Variants in RELN observed in about 807,000 individuals in gnomAD.
The protein encoded by RELN is reelin.
In RELN, 108 loss-of-function variants were observed where a neutral mutation model predicts 427.6. That is an observed-to-expected ratio of 0.25 (90% CI 0.22 to 0.30). The LOEUF (loss-of-function observed/expected upper bound fraction) is 0.30, where lower values mean the gene tolerates loss of function less well. Ranked by LOEUF, RELN falls within the 10% of genes least tolerant of loss-of-function variation. RELN has a pLI of 1.00. For missense variants in RELN, 3,715 were observed against 4,302.8 expected, an observed-to-expected ratio of 0.86 and a Z score of 3.82; for synonymous variants, 1,524 against 1,513.4, an observed-to-expected ratio of 1.01 and a Z score of -0.16.
chr7:103,861,650 C>A (rs773832097), intron 2 of RELN, among the ~76,000 whole-genome samples: 4 of 152,008 alleles, frequency 2.6e-5, no homozygotes, highest in Admixed American at 1.3e-4. Context: ...TCACATATTG[C>A]GAAGAGACCC....
chr7:103,776,676 T>C (rs752353864), intron 3 of RELN, 49 bp from the exon 4 acceptor site: 4 of 1,582,524 alleles, frequency 2.5e-6, no homozygotes, highest in Non-Finnish European at 3.5e-6. Flanking sequence ...ATATGTTTGG[T>C]GAAAATGTAT....
chr7:103,614,448 A>T (rs1316840762), intron 20 of RELN, among the ~76,000 whole-genome samples: 2 of 152,214 alleles, frequency 1.3e-5, no homozygotes, highest in Non-Finnish European at 2.9e-5. Flanking sequence ...TTTAAAAGGG[A>T]ATCAATGGAA....
intron 20 of RELN, among the ~76,000 whole-genome samples, chr7:103,614,919 GT>G (rs111731320): frequency 2.0e-5 from 3 of 151,902 alleles, no homozygotes; most frequent in Admixed American, 6.6e-5. Context: ...TACTGGGTCT[GT>G]TTTTTTTCAC....
intron 2 of RELN, among the ~76,000 whole-genome samples, chr7:103,878,676 A>T (rs1329931174): frequency 6.6e-6 from 1 of 152,190 alleles, no homozygotes; most frequent in East Asian, 1.9e-4. Context: ...AAAATTACAC[A>T]ATCATTTGTA....
chr7:103,705,199 T>G (rs186024293), intron 8 of RELN, among the ~76,000 whole-genome samples: 2 of 152,326 alleles, frequency 1.3e-5, no homozygotes, highest in East Asian at 3.9e-4. Context: ...GATCAGCCAA[T>G]TAACATATCC....
At chr7:103,725,090 C>T (rs1448487555) in intron 7 of RELN, among the ~76,000 whole-genome samples, 1 of 152,048 alleles carries the variant, frequency 6.6e-6, no homozygotes, top group African/African-American at 2.4e-5. Flanking sequence ...TATAAATACA[C>T]TCAAAACTAT....
At chr7:103,669,653 T>G (rs1190026725) in intron 11 of RELN, among the ~76,000 whole-genome samples, 1 of 152,044 alleles carries the variant, frequency 6.6e-6, no homozygotes, top group African/African-American at 2.4e-5. Context: ...TAGTGGTTAT[T>G]TGAGGAGCTC....
intron 2 of RELN, among the ~76,000 whole-genome samples, chr7:103,865,132 C>CAAAAAGAAAAAAAAAAAA (rs1794166297): frequency 1.5e-5 from 1 of 67,198 alleles, no homozygotes; most frequent in Non-Finnish European, 2.7e-5. Flanking sequence ...GAAACTGTCT[C>CAAAAAGAAAAAAAAAAAA]AAAAAAAAAA....
chr7:103,745,693 G>A (rs575930269), intron 6 of RELN, among the ~76,000 whole-genome samples: 3 of 149,598 alleles, frequency 2.0e-5, no homozygotes, highest in African/African-American at 7.5e-5. Flanking sequence ...AAAATACCTA[G>A]GAATCCAACT....
chr7:103,582,352 A>G (rs1831171861), intron 28 of RELN, among the ~76,000 whole-genome samples: 1 of 152,250 alleles, frequency 6.6e-6, no homozygotes, highest in Admixed American at 6.5e-5. Flanking sequence ...ATGGCAAGTC[A>G]AATTCTTAAT....
In RELN at chr7:103,566,355, G is replaced by A. The variant is rs1370209776; in HGVS notation, c.4805C>T (p.Ser1602Phe). The A allele has an allele frequency of 6.2e-7, 1 of 1,613,958 alleles. No homozygotes were observed. Among genetic ancestry groups the A allele is most frequent in the African/African-American group, 1.3e-5 (1 of 74,924 alleles). Residue 1602 changes from serine (S) to phenylalanine (F), a missense_variant, in exon 33 of 65, where the codon TCT (serine) becomes TTT (phenylalanine). Physicochemically the swap from Ser to Phe is radical, Grantham distance 155 (BLOSUM62 -2). Transcript: ENST00000428762. The stretch of plus-strand genomic sequence containing the variant: ...AAATTTGTCTTGAAATCCAGTTTGA[G>A]AGCTGTCATTCATTCCTATAAGAAC... ...DDVLIGMNDS[S>F]QTGFQDKFDG...
At chr7:103,487,458 TAA>T (rs11371972) in intron 60 of RELN, among the ~76,000 whole-genome samples, 31 of 128,004 alleles carry the variant, frequency 2.4e-4, no homozygotes, top group Admixed American at 2.3e-4. Flanking sequence ...GTTGTTACAG[TAA>T]AAAAAAAAAA....
At chr7:103,783,164 C>CTTTTTT (rs34257358) in intron 3 of RELN, among the ~76,000 whole-genome samples, 1 of 109,326 alleles carries the variant, frequency 9.1e-6, no homozygotes, top group Non-Finnish European at 2.1e-5. Flanking sequence ...CTCTTTCTTT[C>CTTTTTT]TTTTTTTTTT....
intron 1 of RELN, among the ~76,000 whole-genome samples, chr7:103,941,449 T>C (rs552165542): frequency 6.6e-6 from 1 of 152,292 alleles, no homozygotes; most frequent in Non-Finnish European, 1.5e-5. Flanking sequence ...AAAACCCCCA[T>C]CTAGAGCTAA....
At chr7:103,734,819 C>A (rs10487166) in intron 6 of RELN, among the ~76,000 whole-genome samples, 2 of 152,062 alleles carry the variant, frequency 1.3e-5, no homozygotes, top group African/African-American at 2.4e-5. Flanking sequence ...ATCATTTTGA[C>A]GGTGAACATT....
At chr7:103,750,995 T>C (rs905505083) in intron 5 of RELN, among the ~76,000 whole-genome samples, 1 of 152,208 alleles carries the variant, frequency 6.6e-6, no homozygotes, top group Non-Finnish European at 1.5e-5. Flanking sequence ...AAACTCACTT[T>C]CATGGCTGGC....
chr7:103,682,209 C>A lies in RELN; in HGVS notation c.1196G>T (p.Ser399Ile). Residue 399 changes from serine to isoleucine, a missense_variant, in exon 11 of 65, where the codon AGC (serine) becomes ATC (isoleucine). Physicochemically the swap from Ser to Ile is moderately radical, Grantham distance 142 (BLOSUM62 -2). Transcript: ENST00000428762. ...CCTGGTGGTGGCAAAATTGAACTCG[C>A]TGCCTTCATTTCCATGGAAATAAAT... is the stretch of plus-strand genomic sequence containing the variant. ...NSIYFHGNEG[S>I]EFNFATTRDV... 3.7e-6 allele frequency: 6 copies of A among 1,614,052 alleles called. No individual in the cohort carries two copies. The highest frequency in any genetic ancestry group is 5.1e-6 in the Non-Finnish European group (6 of 1,179,924).
In RELN at chr7:103,687,539, T is replaced by A. The variant is rs528326827; in HGVS notation, c.1144-5278A>T. Among the ~76,000 whole-genome samples, 127 of 151,830 alleles carry A rather than the reference T, an allele frequency of 8.4e-4. 1 individual carries two copies. Among genetic ancestry groups the A allele is most frequent in the Admixed American group, 3.0e-3 (46 of 15,282 alleles). On this transcript the variant is annotated intron_variant, in intron 10 of 64. Coordinates refer to ENST00000428762, the MANE Select transcript of RELN (RefSeq NM_005045.4). ...AGATTGCTGAGTCTTAGGAAATTTG[T>A]AAACACTATTTCCCTCCTGATTTTT...
chr7:103,842,750 G>A (rs896399059), intron 2 of RELN, among the ~76,000 whole-genome samples: 2 of 152,188 alleles, frequency 1.3e-5, no homozygotes, highest in Non-Finnish European at 2.9e-5. Flanking sequence ...CTGGAATTGT[G>A]TATCTATGGA....
Sources: gnomAD v4.1 joint callset for allele counts (sites outside exome capture counted in the v4.1 genomes callset) on GRCh38, gnomAD v4.1.1 for gene constraint, MANE v1.5 for transcripts, NCBI Gene and HGNC (gene_info 2026-07-23, HGNC 2026-07-21) for gene names.